METTL15: variants seen among roughly 807,000 people sequenced by gnomAD.
METTL15 encodes the protein 12S rRNA N(4)-cytidine methyltransferase METTL15.
A neutral mutation model predicts 38.3 loss-of-function variants in METTL15; 34 were observed. That is an observed-to-expected ratio of 0.89 (90% confidence interval 0.68 to 1.18). METTL15 has a LOEUF of 1.18. Among genes scored for constraint, METTL15 ranks in the 50% most tolerant of loss-of-function variants. The probability of loss-of-function intolerance (pLI) is 0.00; values close to 1 mark genes in which losing one functional copy is unlikely to be tolerated. For missense variants in METTL15, 438 were observed against 498.4 expected (o/e 0.88, Z 1.15); for synonymous variants, 162 against 170.9 (o/e 0.95, Z 0.41).
intron 6 of METTL15, among the ~76,000 whole-genome samples, chr11:28,515,752 C>T (rs1205442098): frequency 1.3e-5 from 2 of 152,200 alleles, no homozygotes; most frequent in African/African-American, 2.4e-5. Flanking sequence ...CAGCAGGAAT[C>T]GAAGTGCATG....
At chr11:28,176,833 A>G (rs765929550) in intron 3 of METTL15, among the ~76,000 whole-genome samples, 4 of 152,258 alleles carry the variant, frequency 2.6e-5, no homozygotes, top group South Asian at 2.1e-4. Flanking sequence ...GGAAACATCC[A>G]TATGAAATAA....
chr11:28,225,283 TATA>T (rs1343961385), intron 4 of METTL15, among the ~76,000 whole-genome samples: 1 of 151,882 alleles, frequency 6.6e-6, no homozygotes, highest in African/African-American at 2.4e-5. Flanking sequence ...CTAGCCTTTT[TATA>T]ATATTTTCAA....
intron 3 of METTL15, chr11:28,123,733 A>G (rs1464438350): frequency 1.9e-6 from 1 of 516,218 alleles, no homozygotes; most frequent in East Asian, 3.3e-5. Context: ...ATTACATGCT[A>G]ATTTAGGCAT....
intron 3 of METTL15, among the ~76,000 whole-genome samples, chr11:28,150,834 G>T (rs936947368): frequency 6.6e-6 from 1 of 151,630 alleles, no homozygotes; most frequent in African/African-American, 2.4e-5. Flanking sequence ...TTCTCAGGAG[G>T]TAATGATGAA....
chr11:28,134,841 TATAGTTACTATAC>T (rs1849462936), intron 3 of METTL15, among the ~76,000 whole-genome samples: 1 of 152,242 alleles, frequency 6.6e-6, no homozygotes, highest in African/African-American at 2.4e-5. Context: ...GGTAGCTAGC[TATAGTTACTATAC>T]CTGCTAAGAT....
intron 5 of METTL15, among the ~76,000 whole-genome samples, chr11:28,413,965 T>C (rs1341734020): frequency 6.6e-6 from 1 of 152,204 alleles, no homozygotes; most frequent in Non-Finnish European, 1.5e-5. Flanking sequence ...CTAATAGTTA[T>C]ATGCATTGTT....
intron 6 of METTL15, chr11:28,526,390 T>G (rs1303749164): frequency 6.6e-6 from 1 of 152,278 alleles, no homozygotes; most frequent in African/African-American, 2.4e-5. Context: ...TTCTAGAAAT[T>G]TCTTCATTTC....
At chr11:28,269,947 T>A (rs571654718) in intron 4 of METTL15, among the ~76,000 whole-genome samples, 9 of 152,234 alleles carry the variant, frequency 5.9e-5, no homozygotes, top group Non-Finnish European at 1.2e-4. Context: ...GTAAACTAGT[T>A]GTTCTTCAAA....
chr11:28,374,483 T>C (rs1219598053), intron 5 of METTL15, among the ~76,000 whole-genome samples: 3 of 144,268 alleles, frequency 2.1e-5, no homozygotes, highest in African/African-American at 7.4e-5. Context: ...TGTTGGTGTA[T>C]AGGAATGCTT....
intron 5 of METTL15, among the ~76,000 whole-genome samples, chr11:28,293,374 G>C (rs1465328012): frequency 6.6e-6 from 1 of 151,598 alleles, no homozygotes. Flanking sequence ...GTAGATATGC[G>C]GCGTTATTTC....
intron 5 of METTL15, among the ~76,000 whole-genome samples, chr11:28,408,517 G>T (rs971944338): frequency 6.6e-6 from 1 of 152,026 alleles, no homozygotes; most frequent in Admixed American, 6.6e-5. Context: ...TATAAGAATA[G>T]TTTTTAAATG....
At chr11:28,448,897 A>G (rs1851096587) in intron 6 of METTL15, among the ~76,000 whole-genome samples, 2 of 152,188 alleles carry the variant, frequency 1.3e-5, no homozygotes, top group South Asian at 2.1e-4. Context: ...TAAGATCATG[A>G]CACAGTGAGA....
intron 4 of METTL15, among the ~76,000 whole-genome samples, chr11:28,238,374 A>T (rs534574255): frequency 6.6e-6 from 1 of 152,132 alleles, no homozygotes; most frequent in African/African-American, 2.4e-5. Flanking sequence ...CGTGCTAGCA[A>T]TCAGCGAGAC....
intron 4 of METTL15, among the ~76,000 whole-genome samples, chr11:28,243,175 G>A (rs1025005894): frequency 3.3e-5 from 5 of 151,922 alleles, no homozygotes; most frequent in Admixed American, 2.6e-4. Flanking sequence ...AAATGCCAAA[G>A]AGGAGCTTAA....
At chr11:28,191,928 A>G (rs1021301931) in intron 3 of METTL15, among the ~76,000 whole-genome samples, 1 of 151,642 alleles carries the variant, frequency 6.6e-6, no homozygotes, top group Non-Finnish European at 1.5e-5. Flanking sequence ...AATAATTATT[A>G]TTTTTCATCA....
At chr11:28,525,054 G>C (rs1214276951) in intron 6 of METTL15, among the ~76,000 whole-genome samples, 1 of 152,132 alleles carries the variant, frequency 6.6e-6, no homozygotes, top group Non-Finnish European at 1.5e-5. Context: ...GTTCCTCCTG[G>C]TGGGTTCGTG....
intron 4 of METTL15, among the ~76,000 whole-genome samples, chr11:28,242,190 A>G (rs1854328701): frequency 6.6e-6 from 1 of 152,236 alleles, no homozygotes; most frequent in African/African-American, 2.4e-5. Context: ...GCATCTTATT[A>G]GCATATACTT....
chr11:28,496,007 G>T (rs951048777), intron 6 of METTL15, among the ~76,000 whole-genome samples: 3 of 152,114 alleles, frequency 2.0e-5, no homozygotes, highest in African/African-American at 7.2e-5. Context: ...TTTTTTTAGT[G>T]TTACCTAGTG....
chr11:28,187,130 AT>A (rs1851525664), intron 3 of METTL15, among the ~76,000 whole-genome samples: 1 of 151,288 alleles, frequency 6.6e-6, no homozygotes, highest in Non-Finnish European at 1.5e-5. Flanking sequence ...TATGATAGCT[AT>A]TTAAAATTAA....
Sources: gnomAD v4.1 joint callset for allele counts (sites outside exome capture counted in the v4.1 genomes callset) on GRCh38, gnomAD v4.1.1 for gene constraint, MANE v1.5 for transcripts, NCBI Gene and HGNC (gene_info 2026-07-23, HGNC 2026-07-21) for gene names.